FRMPD4: variants seen among roughly 807,000 people sequenced by gnomAD.
FRMPD4 encodes the protein FERM and PDZ domain-containing protein 4.
In FRMPD4, 22 loss-of-function variants were observed where a neutral mutation model predicts 94.1. The ratio of observed to expected loss-of-function variants is 0.23; its 90% confidence interval spans 0.17 to 0.33. The LOEUF (loss-of-function observed/expected upper bound fraction) is 0.33. Ranked by LOEUF, FRMPD4 falls within the 10% of genes least tolerant of loss-of-function variation. FRMPD4 has a pLI of 1.00. For synonymous variants in FRMPD4, 631 were observed against 548.6 expected, an observed-to-expected ratio of 1.15 and a Z score of -2.10; for missense variants, 1,111 against 1,339.9, an observed-to-expected ratio of 0.83 and a Z score of 2.67.
intron 1 of FRMPD4, among the ~76,000 whole-genome samples, chrX:11,822,743 A>G (rs1389675566): frequency 1.8e-5 from 2 of 111,677 alleles, no homozygotes; most frequent in African/African-American, 6.5e-5. Flanking sequence ...CCCCATCTCT[A>G]TTGCCTGGAA....
At position 12,572,705 on chromosome X, in the gene FRMPD4, G is replaced by A. The variant is rs747403373; in HGVS notation, c.159-37016G>A. 8.1e-5 allele frequency among the ~76,000 whole-genome samples: 9 copies of A among 111,647 alleles called. No individual in the cohort carries two copies. In the Admixed American group the frequency reaches 8.6e-4, roughly 11 times the overall value. On this transcript the variant is annotated intron_variant, in intron 2 of 16. Transcript: ENST00000675598. ...TATACTACGAACTAAACTGACATAA[G>A]ACAGATTAATAGGAGAAAAAAATAG...
At chrX:11,853,791 C>G (rs2053638962) in intron 1 of FRMPD4, among the ~76,000 whole-genome samples, 1 of 111,908 alleles carries the variant, frequency 8.9e-6, no homozygotes, top group Non-Finnish European at 1.9e-5. Flanking sequence ...CTGAATTCCA[C>G]CAGATGTACG....
chrX:12,207,727 C>T (rs1207653570), intron 1 of FRMPD4, among the ~76,000 whole-genome samples: 1 of 108,678 alleles, frequency 9.2e-6, no homozygotes, highest in Non-Finnish European at 1.9e-5. Context: ...CTCAGGGCTA[C>T]CAAAAACTTC....
chrX:11,941,917 C>T (rs983165827), intron 3 of FRMPD4, among the ~76,000 whole-genome samples: 2 of 111,649 alleles, frequency 1.8e-5, no homozygotes, highest in African/African-American at 6.5e-5. Flanking sequence ...AGTTGTCACT[C>T]GTCAGTTGTG....
intron 3 of FRMPD4, among the ~76,000 whole-genome samples, chrX:12,003,680 C>T (rs2054535846): frequency 8.9e-6 from 1 of 112,327 alleles, no homozygotes; most frequent in South Asian, 3.7e-4. Flanking sequence ...GCTGGGATTA[C>T]AGGCATGAGC....
At chrX:12,581,991 TACTATGTCTC>T (rs1427987337) in intron 2 of FRMPD4, among the ~76,000 whole-genome samples, 1 of 112,388 alleles carries the variant, frequency 8.9e-6, no homozygotes, top group East Asian at 2.8e-4. Context: ...CTCCATATTT[TACTATGTCTC>T]ACTAGAATGT....
chrX:12,349,508 T>C (rs768098901), intron 1 of FRMPD4, among the ~76,000 whole-genome samples: 1 of 111,113 alleles, frequency 9.0e-6, no homozygotes, highest in Non-Finnish European at 1.9e-5. Context: ...AAGACTCTTA[T>C]GCTCAGCCAA....
At chrX:12,037,478 T>G (rs2054726538) in intron 3 of FRMPD4, among the ~76,000 whole-genome samples, 1 of 112,110 alleles carries the variant, frequency 8.9e-6, no homozygotes, top group Non-Finnish European at 1.9e-5. Context: ...CACGGAATTA[T>G]ATAAATGAAA....
In FRMPD4 at chrX:12,479,439, C is replaced by CGT. The variant is rs1183336332; in HGVS notation, c.42-19241_42-19240insGT. Among the ~76,000 whole-genome samples, 226 of 15,373 alleles carry CGT rather than the reference C, an allele frequency of 0.015. 1 individual carries two copies. The East Asian group carries it at 0.15, about 10-fold the overall frequency. 13.3% of individuals were successfully genotyped at this position (15,373 alleles called of 115,157 possible). On this transcript the variant is annotated intron_variant, in intron 1 of 16. Transcript: ENST00000675598. ...ACATATATACGTATATATATACACA[C>CGT]ATATATGTATATATATGTATATATG...
chrX:12,703,086 T>C (rs2041816494), intron 10 of FRMPD4, among the ~76,000 whole-genome samples: 1 of 112,873 alleles, frequency 8.9e-6, no homozygotes, highest in South Asian at 3.6e-4. Flanking sequence ...GAACATTGTA[T>C]GGTCAAAAAC....
intron 1 of FRMPD4, among the ~76,000 whole-genome samples, chrX:11,824,982 GCACTGGGAAAC>G (rs955539672): frequency 9.1e-6 from 1 of 109,862 alleles, no homozygotes; most frequent in African/African-American, 3.3e-5. Context: ...GTTAAAAATA[GCACTGGGAAAC>G]CAAAGATAGA....
intron 1 of FRMPD4, among the ~76,000 whole-genome samples, chrX:12,158,026 A>AG (rs1160643899): frequency 8.9e-6 from 1 of 112,070 alleles, no homozygotes; most frequent in African/African-American, 3.2e-5. Flanking sequence ...AGAAGAAAGG[A>AG]GGGGGAAAAA....
Position 12,717,601 on chromosome X carries a change from A to G in FRMPD4, c.2775A>G (p.Ala925=). The change falls in exon 16 of 17, where the codon GCA becomes GCG. Residue 925 remains alanine (A), a synonymous_variant. Coordinates refer to ENST00000675598, the MANE Select transcript of FRMPD4 (RefSeq NM_001368397.1). ...CTGAGAGTTCTGAACTGGCCACAGC[A>G]CAAAAACAGTCAGAAAACCTCTCCC... ...EMTESSELAT[A]QKQSENLSRM... The G allele has an allele frequency of 8.3e-7, 1 of 1,205,334 alleles. No individual in the cohort carries two copies. The highest frequency in any genetic ancestry group is 1.8e-5 in the South Asian group (1 of 56,803).
At chrX:12,218,774 C>T (rs769510230) in intron 1 of FRMPD4, among the ~76,000 whole-genome samples, 2 of 112,310 alleles carry the variant, frequency 1.8e-5, no homozygotes, top group East Asian at 2.8e-4. Context: ...TTCTGTGGGG[C>T]ACCCTTAGGG....
intron 5 of FRMPD4, among the ~76,000 whole-genome samples, chrX:12,675,432 A>C (rs1251178171): frequency 9.0e-6 from 1 of 110,608 alleles, no homozygotes; most frequent in Non-Finnish European, 1.9e-5. Flanking sequence ...TTTAAAAAAA[A>C]AAAAAAAAAC....
At chrX:12,630,110 GT>G (rs2059382207) in intron 4 of FRMPD4, among the ~76,000 whole-genome samples, 2 of 112,158 alleles carry the variant, frequency 1.8e-5, no homozygotes, top group Admixed American at 1.9e-4. Flanking sequence ...TGACTTCACT[GT>G]TCTGTCATAT....
intron 1 of FRMPD4, among the ~76,000 whole-genome samples, chrX:12,311,121 G>A (rs766327701): frequency 3.6e-5 from 4 of 111,349 alleles, no homozygotes; most frequent in Non-Finnish European, 7.5e-5. Flanking sequence ...GGGAAAGGGC[G>A]CAGAGGAAAG....
chrX:12,104,979 CAGG>C (rs1028729389), intron 3 of FRMPD4, among the ~76,000 whole-genome samples: 10 of 111,479 alleles, frequency 9.0e-5, no homozygotes, highest in East Asian at 2.8e-4. Flanking sequence ...TTCTCTAGTG[CAGG>C]AGAAGTTAAA....
chrX:12,681,275 G>A (rs919611685), intron 5 of FRMPD4, among the ~76,000 whole-genome samples: 17 of 111,894 alleles, frequency 1.5e-4, no homozygotes, highest in Non-Finnish European at 2.6e-4. Context: ...AAATCATTAC[G>A]GGAGAATAAT....
Sources: allele counts gnomAD v4.1 joint callset (sites outside exome capture counted in the v4.1 genomes callset), GRCh38; gene constraint gnomAD v4.1.1; transcripts MANE v1.5; gene names NCBI Gene and HGNC (gene_info 2026-07-23, HGNC 2026-07-21).